Variants in KCNH7 observed in about 807,000 individuals in gnomAD.
KCNH7 encodes the protein voltage-gated inwardly rectifying potassium channel KCNH7.
Under a neutral mutation model 120.8 loss-of-function variants are expected in KCNH7, and 49 were observed. The observed-to-expected ratio is 0.41, with a 90% CI of 0.32 to 0.51. The LOEUF (loss-of-function observed/expected upper bound fraction) is 0.51. Ranked by LOEUF, KCNH7 falls within the 20% of genes least tolerant of loss-of-function variation. The pLI is 0.38. For missense variants in KCNH7, 1,097 were observed against 1,446.6 expected, an observed-to-expected ratio of 0.76 and a Z score of 3.92; for synonymous variants, 547 against 516.1, an observed-to-expected ratio of 1.06 and a Z score of -0.81.
chr2:162,380,442 C>T (rs945001586), intron 13 of KCNH7, among the ~76,000 whole-genome samples: 1 of 152,032 alleles, frequency 6.6e-6, no homozygotes, highest in Non-Finnish European at 1.5e-5. Flanking sequence ...GGATAACTTG[C>T]ATACGTTATG....
At chr2:162,777,131 C>T (rs1574375229) in intron 2 of KCNH7, among the ~76,000 whole-genome samples, 2 of 152,124 alleles carry the variant, frequency 1.3e-5, no homozygotes, top group Admixed American at 1.3e-4. Context: ...GATTATTCTG[C>T]TGTTTGACAA....
At chr2:162,826,378 C>T (rs1046428906) in intron 2 of KCNH7, among the ~76,000 whole-genome samples, 2 of 152,092 alleles carry the variant, frequency 1.3e-5, no homozygotes, top group Non-Finnish European at 2.9e-5. Context: ...CCATCAGAAT[C>T]AGTCAACTGT....
rs1379969165 is a variant in KCNH7 at position 162,373,151 on chromosome 2, C to A, written c.3324+319G>T. 2.6e-5 allele frequency among the ~76,000 whole-genome samples: 4 copies of A among 152,176 alleles called. No individual in the cohort carries two copies. In the East Asian group the frequency reaches 7.7e-4, roughly 29 times the overall value. On this transcript the variant is annotated intron_variant, in intron 15 of 15. Transcript: ENST00000332142. The stretch of plus-strand genomic sequence containing the variant: ...CCTTTTAAGAGCCAGGAAGACTATT[C>A]CTTAGATTTCAAAGCTCTACCACAT...
At chr2:162,683,400 T>C (rs1436892719) in intron 2 of KCNH7, among the ~76,000 whole-genome samples, 1 of 151,868 alleles carries the variant, frequency 6.6e-6, no homozygotes, top group Non-Finnish European at 1.5e-5. Context: ...GTTACAGTAT[T>C]TTAGTGATGA....
At chr2:162,487,791 T>C (rs1381654915) in intron 6 of KCNH7, among the ~76,000 whole-genome samples, 1 of 152,184 alleles carries the variant, frequency 6.6e-6, no homozygotes, top group Non-Finnish European at 1.5e-5. Context: ...CTATATGGGA[T>C]TTCTTTCTAA....
chr2:162,792,114 T>C (rs952639800), intron 2 of KCNH7, among the ~76,000 whole-genome samples: 1 of 152,180 alleles, frequency 6.6e-6, no homozygotes, highest in African/African-American at 2.4e-5. Context: ...TGAACCAAAC[T>C]TGCATCCCAG....
chr2:162,438,394 A>C (rs1433127764), intron 7 of KCNH7, among the ~76,000 whole-genome samples: 2 of 152,184 alleles, frequency 1.3e-5, no homozygotes, highest in Non-Finnish European at 2.9e-5. Context: ...CTCTAAGCAG[A>C]TAAATCAATA....
intron 2 of KCNH7, among the ~76,000 whole-genome samples, chr2:162,538,709 C>T (rs1250064050): frequency 2.0e-5 from 3 of 151,954 alleles, no homozygotes; most frequent in East Asian, 1.9e-4. Context: ...TTATGGAGAC[C>T]GCCACAGATC....
At chr2:162,377,137 G>A (rs979731935) in intron 14 of KCNH7, among the ~76,000 whole-genome samples, 1 of 152,102 alleles carries the variant, frequency 6.6e-6, no homozygotes, top group Non-Finnish European at 1.5e-5. Flanking sequence ...GTAGAAGTCT[G>A]AGTTGAGCTT....
At chr2:162,413,504 T>C (rs1232575737) in intron 9 of KCNH7, among the ~76,000 whole-genome samples, 4 of 152,074 alleles carry the variant, frequency 2.6e-5, no homozygotes, top group Non-Finnish European at 4.4e-5. Flanking sequence ...TTATACCCAA[T>C]GATGTAATGT....
At chr2:162,558,201 G>A (rs895534033) in intron 2 of KCNH7, among the ~76,000 whole-genome samples, 3 of 150,964 alleles carry the variant, frequency 2.0e-5, no homozygotes, top group South Asian at 2.1e-4. Context: ...TTTTTGAGAC[G>A]GAGTCTCGCT....
intron 2 of KCNH7, among the ~76,000 whole-genome samples, chr2:162,729,161 A>AT (rs1203109189): frequency 2.5e-4 from 35 of 137,374 alleles, no homozygotes; most frequent in East Asian, 1.9e-3. Context: ...AATATACCCA[A>AT]ATTTTTTTTT....
intron 2 of KCNH7, among the ~76,000 whole-genome samples, chr2:162,655,208 T>C (rs1168544105): frequency 2.0e-5 from 3 of 152,216 alleles, no homozygotes; most frequent in African/African-American, 4.8e-5. Flanking sequence ...AATGTATACG[T>C]ATTTCAAAAC....
At chr2:162,788,914 T>C (rs1309020204) in intron 2 of KCNH7, among the ~76,000 whole-genome samples, 1 of 133,866 alleles carries the variant, frequency 7.5e-6, no homozygotes, top group South Asian at 2.4e-4. Flanking sequence ...GAAACCACAA[T>C]AAGACTATCA....
chr2:162,393,720 G>T (rs1686814420), intron 12 of KCNH7, among the ~76,000 whole-genome samples: 1 of 151,838 alleles, frequency 6.6e-6, no homozygotes, highest in South Asian at 2.1e-4. Flanking sequence ...TTTCCCATCT[G>T]CCAAGAACAA....
At chr2:162,768,539 T>C (rs574782179) in intron 2 of KCNH7, among the ~76,000 whole-genome samples, 2 of 152,220 alleles carry the variant, frequency 1.3e-5, no homozygotes, top group South Asian at 4.1e-4. Context: ...GGATATAGGA[T>C]AGAGAAAAAC....
intron 13 of KCNH7, among the ~76,000 whole-genome samples, chr2:162,382,316 A>T (rs962849400): frequency 6.6e-6 from 1 of 152,100 alleles, no homozygotes; most frequent in Non-Finnish European, 1.5e-5. Flanking sequence ...GAAGATACAT[A>T]ATTAGCTTGT....
chr2:162,612,706 T>C (rs1256816018), intron 2 of KCNH7, among the ~76,000 whole-genome samples: 1 of 152,006 alleles, frequency 6.6e-6, no homozygotes, highest in South Asian at 2.1e-4. Context: ...TACTATATAA[T>C]TTAGTGACTG....
Position 162,384,838 on chromosome 2 carries a change from T to C in KCNH7, c.2812A>G (p.Ile938Val), listed in dbSNP as rs1302579889. Residue 938 changes from isoleucine (I) to valine (V), a missense_variant, in exon 13 of 16, where the codon ATC becomes GTC. Transcript: ENST00000332142. ...TTTTGTTCATCATCAATGGAGGAGA[T>C]GAAAGATGAGGATCTGCTTTTTTTC... is the stretch of plus-strand genomic sequence containing the variant. Reference protein sequence around the residue: ...EEKKSRSSSFISSIDDEQKPL... With the variant: ...EEKKSRSSSFVSSIDDEQKPL... 4 of 1,612,728 alleles carry C rather than the reference T, an allele frequency of 2.5e-6. No individual in the cohort carries two copies. The highest frequency in any genetic ancestry group is 3.4e-6 in the Non-Finnish European group (4 of 1,179,116).
Sources: gnomAD v4.1 joint callset for allele counts (sites outside exome capture counted in the v4.1 genomes callset) on GRCh38, gnomAD v4.1.1 for gene constraint, MANE v1.5 for transcripts, NCBI Gene and HGNC (gene_info 2026-07-23, HGNC 2026-07-21) for gene names.